The following CATSPERB variants were observed in gnomAD, a reference collection of about 807,000 sequenced individuals.
The protein encoded by CATSPERB is cation channel sperm-associated auxiliary subunit beta.
CATSPERB carries 93 observed loss-of-function variants against 128.3 expected under a neutral mutation model. The ratio of observed to expected loss-of-function variants is 0.72; its 90% CI spans 0.61 to 0.86. The LOEUF (loss-of-function observed/expected upper bound fraction) is 0.86. Ranked by LOEUF, CATSPERB falls within the 40% of genes least tolerant of loss-of-function variation. The probability of loss-of-function intolerance (pLI) is 0.00; values close to 1 mark genes in which losing one functional copy is unlikely to be tolerated. For missense variants in CATSPERB, 1,153 were observed against 1,329.5 expected (o/e 0.87, Z 2.06); for synonymous variants, 381 against 448.8 (o/e 0.85, Z 1.91).
chr14:91,615,017 T>C (rs901992280), intron 20 of CATSPERB, among the ~76,000 whole-genome samples: 3 of 152,142 alleles, frequency 2.0e-5, no homozygotes, highest in African/African-American at 7.2e-5. Context: ...TACTATATTA[T>C]TAACTATATT....
At chr14:91,603,159 A>C in intron 22 of CATSPERB, 1 of 787,064 alleles carries the variant, frequency 1.3e-6, no homozygotes. Flanking sequence ...ACCTTCATGT[A>C]TCTTTTACTA....
intron 14 of CATSPERB, 62 bp downstream of exon 14, chr14:91,669,752 T>TGCA: frequency 6.7e-7 from 1 of 1,481,786 alleles, no homozygotes; most frequent in Non-Finnish European, 9.1e-7. Context: ...TGTACAGCCA[T>TGCA]GCAGCATACA....
intron 12 of CATSPERB, among the ~76,000 whole-genome samples, chr14:91,673,593 A>C (rs371513921): frequency 1.3e-5 from 2 of 152,152 alleles, no homozygotes; most frequent in African/African-American, 4.8e-5. Flanking sequence ...TTTTTAAAAA[A>C]TCCTTAATGT....
rs890496264 is a variant in CATSPERB at position 91,683,307 on chromosome 14, C to T, written c.931+570G>A. On this transcript the variant is annotated intron_variant, in intron 11 of 26. Transcript: ENST00000256343. Reference sequence around the variant, plus strand: ...ACCTCCTAACTATGGCCCTTCTCAGCGGGAAATAGCCAGATCGACTATGCC... The same window carrying T: ...ACCTCCTAACTATGGCCCTTCTCAGTGGGAAATAGCCAGATCGACTATGCC... 8.5e-5 allele frequency among the ~76,000 whole-genome samples: 13 copies of T among 152,144 alleles called. No individual in the cohort carries two copies. In the East Asian group the frequency reaches 1.2e-3, roughly 14 times the overall value.
At position 91,608,320 on chromosome 14, in the gene CATSPERB, G is replaced by A. The variant is rs144932723; in HGVS notation, c.2683C>T (p.Pro895Ser). Residue 895 changes from proline (P) to serine (S), a missense_variant, in exon 22 of 27, where the codon CCA (proline) becomes TCA (serine). Transcript: ENST00000256343. Reference protein sequence around the residue: ...FYHADPSKPIPRNMFHMSKKT... With the variant: ...FYHADPSKPISRNMFHMSKKT... ...TTTGACATGTGAAACATGTTTCTTGGTATGGGTTTGCTAGGATCTGCATGA... is the reference window on the plus strand; with the variant it reads ...TTTGACATGTGAAACATGTTTCTTGATATGGGTTTGCTAGGATCTGCATGA... The A allele has an allele frequency of 1.9e-6, 3 of 1,608,876 alleles. No individual in the cohort carries two copies. The highest frequency in any genetic ancestry group is 2.7e-5 in the African/African-American group (2 of 74,764).
At chr14:91,704,497 A>C in intron 7 of CATSPERB, 55 bp downstream of exon 7, 1 of 1,534,166 alleles carries the variant, frequency 6.5e-7, no homozygotes, top group Non-Finnish European at 8.8e-7. Flanking sequence ...GTTAAACATT[A>C]CTGTTACAAA....
chr14:91,719,188 A>G (rs1307062989), intron 5 of CATSPERB, among the ~76,000 whole-genome samples: 1 of 152,206 alleles, frequency 6.6e-6, no homozygotes, highest in African/African-American at 2.4e-5. Flanking sequence ...TAAATGTTGT[A>G]TATGTCAAAA....
At chr14:91,667,805 A>T (rs1010291671) in intron 14 of CATSPERB, among the ~76,000 whole-genome samples, 1 of 152,224 alleles carries the variant, frequency 6.6e-6, no homozygotes, top group Non-Finnish European at 1.5e-5. Flanking sequence ...AATGCCTTTC[A>T]AACTCTTATA....
At chr14:91,587,706 C>T (rs944716107) in intron 25 of CATSPERB, among the ~76,000 whole-genome samples, 6 of 151,952 alleles carry the variant, frequency 3.9e-5, no homozygotes, top group African/African-American at 1.5e-4. Context: ...ATACTGAGCC[C>T]ATTTCTTCCC....
At position 91,722,028 on chromosome 14, in the gene CATSPERB, C is replaced by T. The variant is rs115907317; in HGVS notation, c.309+1021G>A. ...TCCTGCCTGGGCAACACAGCAAGAC[C>T]CTGTCTCTAAACAAAAAAGAAAGAA... On this transcript the variant is annotated intron_variant, in intron 4 of 26. Transcript: ENST00000256343. Among the ~76,000 whole-genome samples, 47 of 151,894 alleles carry T rather than the reference C, an allele frequency of 3.1e-4. No homozygotes were observed. In the East Asian group the frequency reaches 9.1e-3, roughly 29 times the overall value.
chr14:91,683,856 A>C (rs1423552321), intron 11 of CATSPERB, 21 bp downstream of exon 11: 5 of 1,513,100 alleles, frequency 3.3e-6, no homozygotes, highest in Non-Finnish European at 4.6e-6. Flanking sequence ...TTAATACAGT[A>C]TATCTTTAAC....
intron 18 of CATSPERB, among the ~76,000 whole-genome samples, chr14:91,622,658 C>T (rs1478330577): frequency 2.6e-5 from 4 of 152,152 alleles, no homozygotes; most frequent in Non-Finnish European, 5.9e-5. Flanking sequence ...TCATCATTGC[C>T]TTAATTATGC....
chr14:91,596,554 G>T (rs145536918), intron 22 of CATSPERB, among the ~76,000 whole-genome samples: 9 of 152,198 alleles, frequency 5.9e-5, no homozygotes, highest in Non-Finnish European at 5.9e-5. Flanking sequence ...CAAGACAATT[G>T]TCTGTGGATG....
intron 11 of CATSPERB, among the ~76,000 whole-genome samples, chr14:91,676,622 T>C (rs1204269150): frequency 1.4e-5 from 2 of 143,146 alleles, no homozygotes; most frequent in Non-Finnish European, 3.2e-5. Context: ...AATGTAAACA[T>C]TGGAAGCTCA....
intron 17 of CATSPERB, among the ~76,000 whole-genome samples, chr14:91,626,205 A>G (rs1269050615): frequency 6.6e-6 from 1 of 152,146 alleles, no homozygotes; most frequent in African/African-American, 2.4e-5. Context: ...AGAAGATAAC[A>G]TAGGAGAAAA....
intron 24 of CATSPERB, among the ~76,000 whole-genome samples, chr14:91,588,538 C>T (rs1893343918): frequency 6.6e-6 from 1 of 152,122 alleles, no homozygotes; most frequent in Admixed American, 6.6e-5. Flanking sequence ...AATGAGATTA[C>T]TTGACTATTT....
intron 5 of CATSPERB, chr14:91,710,696 G>A (rs765772233): frequency 1.3e-5 from 2 of 152,172 alleles, no homozygotes; most frequent in Admixed American, 6.5e-5. Context: ...CAGAGAGAAC[G>A]CCTTTCTCTA....
intron 7 of CATSPERB, among the ~76,000 whole-genome samples, chr14:91,701,986 C>T (rs1895659307): frequency 1.3e-5 from 2 of 151,836 alleles, no homozygotes; most frequent in African/African-American, 4.8e-5. Context: ...TGCTTCAGCA[C>T]AGTGGTGACC....
intron 10 of CATSPERB, among the ~76,000 whole-genome samples, chr14:91,691,127 C>T (rs552940260): frequency 3.1e-4 from 47 of 152,282 alleles, no homozygotes; most frequent in African/African-American, 1.1e-3. Flanking sequence ...AACAGACTTA[C>T]ACTGGGGTAG....
Sources: allele counts gnomAD v4.1 joint callset (sites outside exome capture counted in the v4.1 genomes callset), GRCh38; gene constraint gnomAD v4.1.1; transcripts MANE v1.5; gene names NCBI Gene and HGNC (gene_info 2026-07-23, HGNC 2026-07-21).